The following C12orf42 variants were observed in gnomAD, a reference collection of about 807,000 sequenced individuals.
The protein encoded by C12orf42 is uncharacterized protein C12orf42.
A neutral mutation model predicts 21.6 loss-of-function variants in C12orf42; 25 were observed. The ratio of observed to expected loss-of-function variants is 1.16; its 90% CI spans 0.84 to 1.62. C12orf42 has a LOEUF of 1.62. C12orf42 is among the 40% of genes most tolerant of loss of function. The probability of loss-of-function intolerance (pLI) is 0.00; values close to 1 mark genes in which losing one functional copy is unlikely to be tolerated. For synonymous variants in C12orf42, 174 were observed against 175.0 expected, an observed-to-expected ratio of 0.99 and a Z score of 0.05; for missense variants, 483 against 459.3, an observed-to-expected ratio of 1.05 and a Z score of -0.47.
the C12orf42 span, chr12:103,164,269 T>C: frequency 0.053 from 20,205 of 382,890 alleles, 732 homozygotes; most frequent in Middle Eastern, 0.089. Flanking sequence ...CTACCAGGCT[T>C]GAATCTTAGG....
intron 4 of C12orf42, among the ~76,000 whole-genome samples, chr12:103,344,320 A>G (rs968810118): frequency 3.3e-5 from 5 of 152,182 alleles, no homozygotes; most frequent in African/African-American, 1.2e-4. Flanking sequence ...GGTCATGTGG[A>G]TGACAGAGGA....
At chr12:103,120,693 TATG>T in the C12orf42 span, among the ~76,000 whole-genome samples, 1 of 150,436 alleles carries the variant, frequency 6.6e-6, no homozygotes, top group Non-Finnish European at 1.5e-5. Context: ...TTATGATTAC[TATG>T]ATTATTATTA....
the C12orf42 span, among the ~76,000 whole-genome samples, chr12:103,534,268 C>A: frequency 6.6e-6 from 1 of 152,168 alleles, no homozygotes; most frequent in Admixed American, 6.6e-5. Context: ...CACAGAAATT[C>A]TTCTGAGGCT....
chr12:103,371,823 T>C (rs1003143170), intron 3 of C12orf42, among the ~76,000 whole-genome samples: 2 of 152,138 alleles, frequency 1.3e-5, no homozygotes, highest in African/African-American at 4.8e-5. Flanking sequence ...TTACCTTCTC[T>C]ATTCCTGTTT....
At chr12:103,262,694 C>T (rs2034957297) in intron 10 of C12orf42, among the ~76,000 whole-genome samples, 1 of 152,176 alleles carries the variant, frequency 6.6e-6, no homozygotes, top group Non-Finnish European at 1.5e-5. Flanking sequence ...AACGCTTTTA[C>T]ACTGTTGGTG....
At chr12:103,324,964 A>G (rs1357498043) in intron 4 of C12orf42, among the ~76,000 whole-genome samples, 1 of 152,240 alleles carries the variant, frequency 6.6e-6, no homozygotes, top group Non-Finnish European at 1.5e-5. Flanking sequence ...GAGGTACTGA[A>G]GGAAGATATA....
intron 4 of C12orf42, among the ~76,000 whole-genome samples, chr12:103,283,988 T>C (rs956957241): frequency 1.3e-5 from 2 of 152,208 alleles, no homozygotes; most frequent in Admixed American, 1.3e-4. Context: ...GAAAGCACTC[T>C]GTCAACTTCA....
At chr12:103,301,050 C>T (rs982492171), downstream of C12orf42, among the ~76,000 whole-genome samples, 1 of 152,138 alleles carries the variant, frequency 6.6e-6, no homozygotes, top group Non-Finnish European at 1.5e-5. Flanking sequence ...AAGGACTAAA[C>T]AGACTCTTAA....
the C12orf42 span, among the ~76,000 whole-genome samples, chr12:103,144,686 T>A: frequency 6.6e-6 from 1 of 152,154 alleles, no homozygotes; most frequent in Non-Finnish European, 1.5e-5. Context: ...ATAATCTTGA[T>A]GGGGGGAGGA....
intron 3 of C12orf42, chr12:103,397,694 A>G (rs2047652976): frequency 1.3e-5 from 2 of 152,166 alleles, no homozygotes; most frequent in South Asian, 4.1e-4. Flanking sequence ...CTAATTTCAT[A>G]CCTTGGTGGA....
At chr12:103,084,511 TA>T in the C12orf42 span, among the ~76,000 whole-genome samples, 1 of 152,152 alleles carries the variant, frequency 6.6e-6, no homozygotes, top group East Asian at 1.9e-4. Flanking sequence ...AATAAACTTT[TA>T]AGATTCAGTT....
intron 3 of C12orf42, among the ~76,000 whole-genome samples, chr12:103,384,940 C>T (rs2046480811): frequency 6.6e-6 from 1 of 152,160 alleles, no homozygotes. Context: ...TCATGCAAAT[C>T]ATGGTCGTCT....
intron 2 of C12orf42, among the ~76,000 whole-genome samples, chr12:103,459,486 A>G (rs1229531249): frequency 6.6e-6 from 1 of 151,814 alleles, no homozygotes; most frequent in Non-Finnish European, 1.5e-5. Context: ...TCCCACTCTC[A>G]CCATGTGAGA....
chr12:103,169,459 A>G, the C12orf42 span, among the ~76,000 whole-genome samples: 16 of 152,128 alleles, frequency 1.1e-4, no homozygotes, highest in Admixed American at 9.8e-4. Flanking sequence ...GGAGGTAGAC[A>G]TTATTATAAC....
intron 4 of C12orf42, among the ~76,000 whole-genome samples, chr12:103,354,624 T>C (rs1370919733): frequency 6.6e-6 from 1 of 152,184 alleles, no homozygotes; most frequent in East Asian, 1.9e-4. Context: ...ATTTAATAAA[T>C]ATTTGTTAGA....
chr12:103,188,328 T>C, the C12orf42 span, among the ~76,000 whole-genome samples: 1 of 152,184 alleles, frequency 6.6e-6, no homozygotes, highest in African/African-American at 2.4e-5. Context: ...GTACAGGTGG[T>C]ATTTGGTTAC....
At chr12:103,129,203 G>A in the C12orf42 span, among the ~76,000 whole-genome samples, 3 of 152,206 alleles carry the variant, frequency 2.0e-5, no homozygotes, top group African/African-American at 7.2e-5. Context: ...AACACGGAGA[G>A]AGAGAAACTG....
At chr12:103,526,441 A>T in the C12orf42 span, among the ~76,000 whole-genome samples, 1 of 152,210 alleles carries the variant, frequency 6.6e-6, no homozygotes, top group East Asian at 1.9e-4. Flanking sequence ...ATGTAACTCA[A>T]GGGTTTGGGG....
Position 103,404,761 on chromosome 12 carries a change from G to T in C12orf42, c.79-3086C>A, listed in dbSNP as rs117221753. On this transcript the variant is annotated intron_variant, in intron 2 of 5. Coordinates refer to ENST00000548883, the MANE Select transcript of C12orf42 (RefSeq NM_198521.5). ...CGGTTACAGCCCATATGTTAGAGAA[G>T]AGGCAAGTTATGAAAAAATAGGACA... 1.9e-4 allele frequency among the ~76,000 whole-genome samples: 29 copies of T among 152,268 alleles called. No homozygotes were observed. The East Asian group carries it at 5.4e-3, about 28-fold the overall frequency.
Sources: gnomAD v4.1 joint callset for allele counts (sites outside exome capture counted in the v4.1 genomes callset) on GRCh38, gnomAD v4.1.1 for gene constraint, MANE v1.5 for transcripts, NCBI Gene and HGNC (gene_info 2026-07-23, HGNC 2026-07-21) for gene names.